Variants in CDO1 observed in about 807,000 individuals in gnomAD.
The protein encoded by CDO1 is cysteine dioxygenase type 1.
A neutral mutation model predicts 24.5 loss-of-function variants in CDO1; 19 were observed. The observed-to-expected ratio is 0.77, with a 90% CI of 0.54 to 1.14. CDO1 has a LOEUF of 1.14. Among genes scored for constraint, CDO1 ranks in the 50% most tolerant of loss-of-function variants. CDO1 has a pLI of 0.00. For missense variants in CDO1, 244 were observed against 244.8 expected, an observed-to-expected ratio of 1.00 and a Z score of 0.02; for synonymous variants, 91 against 87.0, an observed-to-expected ratio of 1.05 and a Z score of -0.26.
Position 115,816,401 on chromosome 5 carries a change from G to C in CDO1, c.-4C>G, listed in dbSNP as rs139808947. The C allele has an allele frequency of 1.0e-4, 163 of 1,611,956 alleles. No homozygotes were observed. The highest frequency in any genetic ancestry group is 6.7e-5 in the African/African-American group (5 of 75,034). On this transcript the variant is annotated 5_prime_UTR_variant, in exon 1 of 5. Coordinates refer to ENST00000250535, the MANE Select transcript of CDO1 (RefSeq NM_001801.3). ...TCAGCACTTCGGTCTGTTCCATCTC[G>C]TGGGGAGCTGGCTGCGCGCGCGTCT... is the stretch of plus-strand genomic sequence containing the variant.
intron 1 of CDO1, among the ~76,000 whole-genome samples, chr5:115,815,814 T>C (rs1416329982): frequency 6.6e-6 from 1 of 152,182 alleles, no homozygotes; most frequent in African/African-American, 2.4e-5. Flanking sequence ...GGCCCGAACC[T>C]GAGTGCGGTC....
chr5:115,811,106 A>G, intron 3 of CDO1, 55 bp downstream of exon 3: 1 of 1,506,128 alleles, frequency 6.6e-7, no homozygotes, highest in Non-Finnish European at 9.1e-7. Context: ...CCAATATTTC[A>G]GACAAAAGGT....
chr5:115,814,714 G>C (rs1760351048), intron 1 of CDO1, among the ~76,000 whole-genome samples: 1 of 152,152 alleles, frequency 6.6e-6, no homozygotes, highest in South Asian at 2.1e-4. Context: ...ATTAAAAACT[G>C]TTACAACCTG....
At chr5:115,812,179 G>A (rs1760217883) in intron 2 of CDO1, among the ~76,000 whole-genome samples, 3 of 152,118 alleles carry the variant, frequency 2.0e-5, no homozygotes, top group African/African-American at 7.2e-5. Context: ...TTGAGAGAAT[G>A]AATGGAAACA....
chr5:115,811,881 T>C (rs1431076811), intron 2 of CDO1, among the ~76,000 whole-genome samples: 1 of 152,174 alleles, frequency 6.6e-6, no homozygotes, highest in East Asian at 1.9e-4. Context: ...TAACATTGTG[T>C]CAATTTACAG....
chr5:115,813,622 GTTT>G (rs11347287), intron 1 of CDO1, among the ~76,000 whole-genome samples: 2 of 145,190 alleles, frequency 1.4e-5, no homozygotes, highest in Admixed American at 6.8e-5. Flanking sequence ...TGTTGCTATT[GTTT>G]TTTTTTTTTT....
chr5:115,808,761 G>A (rs145260269), intron 3 of CDO1, among the ~76,000 whole-genome samples: 4 of 151,526 alleles, frequency 2.6e-5, no homozygotes, highest in Non-Finnish European at 5.9e-5. Flanking sequence ...AAAACGAGAT[G>A]AAATACTCAA....
intron 1 of CDO1, among the ~76,000 whole-genome samples, chr5:115,814,656 GA>G (rs1415023415): frequency 6.6e-6 from 1 of 152,142 alleles, no homozygotes; most frequent in African/African-American, 2.4e-5. Context: ...TTTGTCAATC[GA>G]GACTAGTTCA....
rs1350471519 is a variant in CDO1 at position 115,816,484 on chromosome 5, C to A, written c.-87G>T. The A allele has an allele frequency of 2.1e-6, 3 of 1,435,046 alleles. No individual in the cohort carries two copies. Among genetic ancestry groups the A allele is most frequent in the Non-Finnish European group, 2.9e-6 (3 of 1,039,182 alleles). The allele number at this position is 1,435,046 out of a possible 1,614,324, so 88.9% of individuals were successfully genotyped here. On this transcript the variant is annotated 5_prime_UTR_variant, in exon 1 of 5. The change creates a new upstream start codon in the 5' untranslated region. Transcript: ENST00000250535. ...GCCAAGGAGCTGGGGGCGAGGGAGC[C>A]TAACAGCCCGCTAGACCGCTAAGCA...
rs565405597 is a variant in CDO1, at chr5:115,809,749, T to G, written c.403+1412A>C. The G allele has an allele frequency of 2.0e-5, 3 of 152,296 alleles. No individual in the cohort carries two copies. The East Asian group carries it at 5.8e-4, about 29-fold the overall frequency. 9.4% of individuals were successfully genotyped at this position (152,296 alleles called of 1,614,324 possible). On this transcript the variant is annotated intron_variant, in intron 3 of 4. Transcript: ENST00000250535. ...GTGGCTTTTAAGTTATTTGGGTAAT[T>G]AGTCTACAGAAATAATTAACATATC...
chr5:115,816,003 C>G (rs1376328154), intron 1 of CDO1, among the ~76,000 whole-genome samples: 1 of 152,212 alleles, frequency 6.6e-6, no homozygotes, highest in South Asian at 2.1e-4. Context: ...CGTTCCCGGC[C>G]GGAGGTCAGC....
At chr5:115,810,270 C>T (rs1269753781) in intron 3 of CDO1, among the ~76,000 whole-genome samples, 2 of 152,128 alleles carry the variant, frequency 1.3e-5, no homozygotes, top group Non-Finnish European at 2.9e-5. Context: ...GCGACAACTT[C>T]CCATACAATT....
At chr5:115,811,680 G>T (rs1760194361) in intron 2 of CDO1, among the ~76,000 whole-genome samples, 1 of 152,126 alleles carries the variant, frequency 6.6e-6, no homozygotes, top group Non-Finnish European at 1.5e-5. Flanking sequence ...GATTATGAAA[G>T]TACATTAGAG....
At chr5:115,812,656 T>G (rs1760238716) in intron 2 of CDO1, among the ~76,000 whole-genome samples, 1 of 152,188 alleles carries the variant, frequency 6.6e-6, no homozygotes, top group Non-Finnish European at 1.5e-5. Context: ...CTATTCATTT[T>G]GGGGGCTGGT....
chr5:115,805,473 G>C lies in CDO1; in HGVS notation c.574-11C>G, dbSNP rs754582587. ...CGAGCCCGAAGTTGCCTGTAAAAAA[G>C]GGAAAAAAAGAAAGCTGTGTAAGAA... is the stretch of plus-strand genomic sequence containing the variant. On this transcript the variant is annotated splice_polypyrimidine_tract_variant and intron_variant, in intron 4 of 4. Transcript: ENST00000250535. The C allele has an allele frequency of 6.2e-7, 1 of 1,612,548 alleles. No homozygotes were observed. Among genetic ancestry groups the C allele is most frequent in the Admixed American group, 1.7e-5 (1 of 59,830 alleles).
chr5:115,811,756 C>T (rs761792242), intron 2 of CDO1, among the ~76,000 whole-genome samples: 4 of 152,172 alleles, frequency 2.6e-5, no homozygotes, highest in Non-Finnish European at 5.9e-5. Context: ...ATCCACTTAA[C>T]ATTTAATGTT....
intron 2 of CDO1, 79 bp downstream of exon 2, chr5:115,813,102 G>C (rs1034940679): frequency 1.4e-5 from 9 of 637,928 alleles, no homozygotes; most frequent in Non-Finnish European, 2.5e-5. Context: ...TGTAAGACCT[G>C]TGGCTAGCCT....
chr5:115,816,540 G>T lies in CDO1; in HGVS notation c.-143C>A. The T allele has an allele frequency of 1.1e-6, 1 of 883,828 alleles. No homozygotes were observed. The highest frequency in any genetic ancestry group is 1.8e-6 in the Non-Finnish European group (1 of 570,968). The allele number at this position is 883,828 out of a possible 1,614,324, so 54.7% of individuals were successfully genotyped here. On this transcript the variant is annotated 5_prime_UTR_variant, in exon 1 of 5. Coordinates refer to ENST00000250535, the MANE Select transcript of CDO1 (RefSeq NM_001801.3). ...ACACGCACAAACCCAGCATTAGAGTGCCGAAACGTAAGGATGTCGTCGCAG... is the reference window on the plus strand; with the variant it reads ...ACACGCACAAACCCAGCATTAGAGTTCCGAAACGTAAGGATGTCGTCGCAG...
chr5:115,810,584 G>C (rs1484513856), intron 3 of CDO1, among the ~76,000 whole-genome samples: 1 of 152,108 alleles, frequency 6.6e-6, no homozygotes, highest in Non-Finnish European at 1.5e-5. Context: ...TGAGCTTTTT[G>C]GAAAGTTACT....
Sources: gnomAD v4.1 joint callset for allele counts (sites outside exome capture counted in the v4.1 genomes callset) on GRCh38, gnomAD v4.1.1 for gene constraint, MANE v1.5 for transcripts, NCBI Gene and HGNC (gene_info 2026-07-23, HGNC 2026-07-21) for gene names.